The following DARS2 variants were observed in gnomAD, a reference collection of about 807,000 sequenced individuals.
The protein encoded by DARS2 is aspartyl-tRNA synthetase 2, mitochondrial, also known as aspartate--tRNA ligase, mitochondrial.
In DARS2, 63 loss-of-function variants were observed where a neutral mutation model predicts 83.0. The observed-to-expected ratio is 0.76, with a 90% CI of 0.62 to 0.94. The LOEUF is 0.94. Among genes scored for constraint, DARS2 ranks in the 40% least tolerant of loss-of-function variants. The probability of loss-of-function intolerance (pLI) is 0.00; values close to 1 mark genes in which losing one functional copy is unlikely to be tolerated. For missense variants in DARS2, 675 were observed against 774.4 expected (o/e 0.87, Z 1.52); for synonymous variants, 250 against 269.3 (o/e 0.93, Z 0.70).
At chr1:173,828,235 T>C in intron 2 of DARS2, 98 bp from the exon 3 acceptor site, 1 of 1,180,234 alleles carries the variant, frequency 8.5e-7, no homozygotes, top group Non-Finnish European at 1.2e-6. Context: ...ACATGAAAAA[T>C]TGCATGGATT....
At chr1:173,834,543 C>T in intron 7 of DARS2, 24 bp downstream of exon 7, 1 of 1,559,896 alleles carries the variant, frequency 6.4e-7, no homozygotes, top group Non-Finnish European at 8.8e-7. Context: ...TTCAATCAGT[C>T]TATTAATAAT....
intron 1 of DARS2, 99 bp from the exon 2 acceptor site, chr1:173,826,588 C>T: frequency 1.2e-6 from 1 of 815,944 alleles, no homozygotes; most frequent in Non-Finnish European, 2.0e-6. Flanking sequence ...CCCTGACATA[C>T]CTAAGATATA....
intron 8 of DARS2, among the ~76,000 whole-genome samples, chr1:173,837,504 A>G (rs977340170): frequency 1.3e-5 from 2 of 152,238 alleles, no homozygotes; most frequent in Non-Finnish European, 2.9e-5. Flanking sequence ...GAGAGTTGGA[A>G]TGGCATAGCA....
intron 12 of DARS2, among the ~76,000 whole-genome samples, chr1:173,848,370 T>C (rs1011953285): frequency 6.6e-6 from 1 of 152,214 alleles, no homozygotes; most frequent in African/African-American, 2.4e-5. Flanking sequence ...AGCCATATCA[T>C]CTTAGAAGAG....
At chr1:173,841,917 C>G (rs1653227918) in intron 11 of DARS2, among the ~76,000 whole-genome samples, 1 of 152,188 alleles carries the variant, frequency 6.6e-6, no homozygotes, top group Admixed American at 6.5e-5. Flanking sequence ...CTGTCTATCT[C>G]TTAGCCCTGT....
At chr1:173,856,807 A>G (rs898709152) in intron 16 of DARS2, 66 bp downstream of exon 16, 6 of 1,407,422 alleles carry the variant, frequency 4.3e-6, no homozygotes, top group Non-Finnish European at 5.0e-6. Flanking sequence ...TCAGGTTCTC[A>G]GTTTGTGTTG....
intron 11 of DARS2, 50 bp from the exon 12 acceptor site, chr1:173,845,179 T>G (rs1653387081): frequency 9.3e-7 from 1 of 1,069,860 alleles, no homozygotes; most frequent in East Asian, 2.4e-5. Flanking sequence ...ACCATGTTTA[T>G]GAAGCTAAGT....
intron 9 of DARS2, among the ~76,000 whole-genome samples, chr1:173,838,691 G>T (rs1417995847): frequency 2.0e-5 from 3 of 151,628 alleles, no homozygotes; most frequent in Admixed American, 1.3e-4. Context: ...AAGCTGTTAC[G>T]ATTTGCTTTC....
At chr1:173,841,548 C>T (rs908182318) in intron 11 of DARS2, among the ~76,000 whole-genome samples, 4 of 151,830 alleles carry the variant, frequency 2.6e-5, no homozygotes, top group Non-Finnish European at 5.9e-5. Context: ...CATAGTAGCT[C>T]ATACCTATAA....
chr1:173,850,950 A>C (rs371475558), intron 13 of DARS2, among the ~76,000 whole-genome samples: 64 of 151,704 alleles, frequency 4.2e-4, no homozygotes, highest in African/African-American at 1.4e-3. Context: ...TAAAAACTTA[A>C]GGGTTGGCCG....
intron 12 of DARS2, among the ~76,000 whole-genome samples, chr1:173,846,051 T>C (rs1307667900): frequency 1.3e-5 from 2 of 151,466 alleles, no homozygotes; most frequent in Non-Finnish European, 2.9e-5. Context: ...CCAGCTACTC[T>C]GGAGGCTGAG....
intron 15 of DARS2, among the ~76,000 whole-genome samples, chr1:173,854,982 G>A (rs377354077): frequency 4.6e-5 from 7 of 152,222 alleles, no homozygotes; most frequent in Non-Finnish European, 4.4e-5. Flanking sequence ...CTAAAAGATC[G>A]TTTTGTGGGA....
chr1:173,839,326 A>G, intron 9 of DARS2, 41 bp from the exon 10 acceptor site: 1 of 1,580,330 alleles, frequency 6.3e-7, no homozygotes, highest in Non-Finnish European at 8.7e-7. Flanking sequence ...ATGTGTATAT[A>G]TTGTGGCTAA....
intron 1 of DARS2, among the ~76,000 whole-genome samples, chr1:173,826,473 A>T (rs1652571144): frequency 6.6e-6 from 1 of 152,326 alleles, no homozygotes; most frequent in East Asian, 1.9e-4. Context: ...AGAAATTTAC[A>T]TTCAGTTATT....
intron 16 of DARS2, 72 bp from the exon 17 acceptor site, chr1:173,857,446 T>C (rs953898216): frequency 2.7e-6 from 4 of 1,499,580 alleles, no homozygotes; most frequent in Middle Eastern, 1.8e-4. Context: ...TCTACAACTT[T>C]TATAGAAAAA....
At chr1:173,845,323 T>C (rs1183576107) in intron 12 of DARS2, 32 bp downstream of exon 12, 2 of 1,463,852 alleles carry the variant, frequency 1.4e-6, no homozygotes, top group Admixed American at 1.7e-5. Context: ...TTTTTTTCCT[T>C]ATACAGATTC....
intron 7 of DARS2, among the ~76,000 whole-genome samples, chr1:173,834,786 T>G (rs1652941328): frequency 2.2e-5 from 3 of 135,404 alleles, no homozygotes; most frequent in Non-Finnish European, 4.7e-5. Flanking sequence ...TTTTTTGTTT[T>G]TTTTTTTTTT....
chr1:173,840,184 C>T (rs1209397924), intron 10 of DARS2, among the ~76,000 whole-genome samples: 1 of 152,212 alleles, frequency 6.6e-6, no homozygotes, highest in Non-Finnish European at 1.5e-5. Flanking sequence ...TACCAACTTA[C>T]AGCTGCCAAC....
rs1653916834 is a variant in DARS2 at position 173,857,936 on chromosome 1, C to A, written c.*231C>A. Reference sequence around the variant, plus strand: ...TTGGTTAGGACTTTTTTTGAAGTTCCTTTTTACTTAGGTGTGAAAGATGGT... The same window carrying A: ...TTGGTTAGGACTTTTTTTGAAGTTCATTTTTACTTAGGTGTGAAAGATGGT... On this transcript the variant is annotated 3_prime_UTR_variant, in exon 17 of 17. Transcript: ENST00000649689. 4.3e-5 allele frequency: 23 copies of A among 539,770 alleles called. 1 individual carries two copies. The South Asian group carries it at 4.5e-4, about 11-fold the overall frequency. 33.4% of individuals were successfully genotyped at this position (539,770 alleles called of 1,614,324 possible).
Sources: gnomAD v4.1 joint callset for allele counts (sites outside exome capture counted in the v4.1 genomes callset) on GRCh38, gnomAD v4.1.1 for gene constraint, MANE v1.5 for transcripts, NCBI Gene and HGNC (gene_info 2026-07-23, HGNC 2026-07-21) for gene names.